UBAP2L: variants seen among roughly 807,000 people sequenced by gnomAD.
The protein encoded by UBAP2L is ubiquitin associated protein 2 like.
A neutral mutation model predicts 130.6 loss-of-function variants in UBAP2L; 12 were observed. That is an observed-to-expected ratio of 0.09 (90% CI 0.06 to 0.15). UBAP2L has a LOEUF of 0.15. UBAP2L is among the 10% of genes least tolerant of loss of function. The pLI is 1.00. For synonymous variants in UBAP2L, 503 were observed against 524.7 expected, an observed-to-expected ratio of 0.96 and a Z score of 0.57; for missense variants, 965 against 1,332.5, an observed-to-expected ratio of 0.72 and a Z score of 4.29.
chr1:154,254,101 A>G lies in UBAP2L; in HGVS notation c.1854+12A>G, dbSNP rs1417732242. ...TGACTCAGGCAAAGGTAGTGGCTTC[A>G]TGAACCCTTGGGAATTGGTTAGGAG... On this transcript the variant is annotated intron_variant, in intron 15 of 26. Transcript: ENST00000428931. The G allele has an allele frequency of 6.6e-7, 1 of 1,517,668 alleles. No homozygotes were observed. Among genetic ancestry groups the G allele is most frequent in the Non-Finnish European group, 8.8e-7 (1 of 1,137,420 alleles). 94.0% of individuals were successfully genotyped at this position (1,517,668 alleles called of 1,614,324 possible). A position where few individuals can be genotyped will look rare whatever the true frequency, so the allele number is the denominator to read the frequency against.
intron 21 of UBAP2L, among the ~76,000 whole-genome samples, chr1:154,259,281 G>A (rs116569373): frequency 0.029 from 4,440 of 151,738 alleles, 213 homozygotes; most frequent in African/African-American, 0.1. Context: ...AACCTCCGCC[G>A]CCTGGGTTAA....
intron 26 of UBAP2L, 145 bp from the exon 27 acceptor site, chr1:154,270,055 G>A: frequency 9.8e-7 from 1 of 1,022,804 alleles, no homozygotes; most frequent in Non-Finnish European, 1.4e-6. Context: ...TAGCAGCTAT[G>A]CAGACCAAAT....
chr1:154,220,457 C>A, upstream of UBAP2L: 2 of 1,610,208 alleles, frequency 1.2e-6, no homozygotes, highest in Non-Finnish European at 1.7e-6. Flanking sequence ...GCTGTCCTGG[C>A]TGGTCAGCCC....
chr1:154,220,487 G>C, upstream of UBAP2L: 3 of 1,540,486 alleles, frequency 1.9e-6, no homozygotes, highest in Non-Finnish European at 2.7e-6. Context: ...CGAAGCGACG[G>C]CGCCTGGGTC....
At chr1:154,241,071 CT>C (rs140728808) in intron 8 of UBAP2L, among the ~76,000 whole-genome samples, 7,805 of 150,752 alleles carry the variant, frequency 0.052, 706 homozygotes, top group African/African-American at 0.18. Context: ...CCAAGAATTT[CT>C]TTTTTTTTGT....
At chr1:154,263,932 TAA>T (rs1204300988) in intron 24 of UBAP2L, among the ~76,000 whole-genome samples, 1 of 152,220 alleles carries the variant, frequency 6.6e-6, no homozygotes, top group Non-Finnish European at 1.5e-5. Context: ...TAAGATCTGA[TAA>T]AGTCATTAGT....
intron 4 of UBAP2L, among the ~76,000 whole-genome samples, chr1:154,231,844 T>G (rs1237215678): frequency 6.6e-6 from 1 of 152,210 alleles, no homozygotes; most frequent in East Asian, 1.9e-4. Context: ...ACATAATACT[T>G]GATACCCTTA....
chr1:154,220,805 TGCGCGC>T (rs1665638955), upstream of UBAP2L: 1 of 177,500 alleles, frequency 5.6e-6, no homozygotes, highest in African/African-American at 2.5e-5. Flanking sequence ...CACGCTTGCG[TGCGCGC>T]CCCTTTTAGC....
chr1:154,249,229 T>C lies in UBAP2L; in HGVS notation c.1015-10T>C. 1 of 1,613,956 alleles carries C rather than the reference T, an allele frequency of 6.2e-7. No homozygotes were observed. The highest frequency in any genetic ancestry group is 1.3e-5 in the African/African-American group (1 of 75,022). On this transcript the variant is annotated splice_polypyrimidine_tract_variant and intron_variant, in intron 11 of 26. Coordinates refer to ENST00000428931, the MANE Select transcript of UBAP2L (RefSeq NM_014847.4). ...CTGTAGGTTTCTCTCATCTCTTTGT[T>C]GATCTACAGGTGAGCATGTTAGGGA...
intron 10 of UBAP2L, among the ~76,000 whole-genome samples, chr1:154,244,930 C>G (rs931581641): frequency 6.6e-6 from 1 of 151,846 alleles, no homozygotes. Flanking sequence ...TTCCAACACT[C>G]TTACCTGGTC....
Position 154,237,153 on chromosome 1 carries a change from C to G in UBAP2L, c.703+17C>G, listed in dbSNP as rs1671943844. ...ATGGGACGAGTGAGTGACCATTTAT[C>G]ATTCATTTCTTGTCTCTGGGAATCT... On this transcript the variant is annotated intron_variant, in intron 8 of 26. Transcript: ENST00000428931. The G allele has an allele frequency of 6.3e-7, 1 of 1,595,174 alleles. No individual in the cohort carries two copies. Among genetic ancestry groups the G allele is most frequent in the East Asian group, 2.2e-5 (1 of 44,786 alleles).
Position 154,266,518 on chromosome 1 carries a change from A to G in UBAP2L, c.2920A>G (p.Ser974Gly), listed in dbSNP as rs1558235236. The G allele has an allele frequency of 6.2e-7, 1 of 1,614,208 alleles. No homozygotes were observed. ...GYNTGVSVTS[S>G]NTGVPDISGS... ...TCCCCCAGGTGTTTCAGTCACCTCCAGTAACACGGGCGTGCCAGATATCTC... is the reference window on the plus strand; with the variant it reads ...TCCCCCAGGTGTTTCAGTCACCTCCGGTAACACGGGCGTGCCAGATATCTC... Residue 974 changes from serine (S) to glycine (G), a missense_variant, in exon 25 of 27, where the codon AGT (serine) becomes GGT (glycine). Ser to Gly is a moderately conservative substitution (Grantham distance 56, BLOSUM62 0). This residue lies in a region of UBAP2L where 194 missense variants were observed against 334.0 expected (regional missense o/e 0.58). Transcript: ENST00000428931.
chr1:154,225,148 C>T lies in UBAP2L; in HGVS notation c.25C>T (p.Arg9Ter). The T allele has an allele frequency of 6.2e-7, 1 of 1,613,940 alleles. No homozygotes were observed. Among genetic ancestry groups the T allele is most frequent in the Non-Finnish European group, 8.5e-7 (1 of 1,179,960 alleles). The change falls in exon 2 of 27, where the codon CGA (arginine) becomes TGA (stop). Residue 9 changes from arginine (R) to a stop codon, truncating the protein, a stop_gained. Transcript: ENST00000428931. LOFTEE classifies it high-confidence loss of function. Reference sequence around the variant, plus strand: ...AATGATGACATCGGTGGGCACTAACCGAGCCCGGGGAAACTGGGAACAACC... The same window carrying T: ...AATGATGACATCGGTGGGCACTAACTGAGCCCGGGGAAACTGGGAACAACC... MMTSVGTN[R>*]ARGNWEQPQN...
At chr1:154,252,354 C>G (rs1048669452) in intron 14 of UBAP2L, among the ~76,000 whole-genome samples, 1 of 145,192 alleles carries the variant, frequency 6.9e-6, no homozygotes, top group Admixed American at 6.9e-5. Flanking sequence ...GATCTCGGCT[C>G]ACTGTAACCT....
chr1:154,227,378 T>A lies in UBAP2L; in HGVS notation c.168+19T>A, dbSNP rs750977457. ...GAAACAAGTGAGTGTATCACTAATT[T>A]ACTGTACACTATGAGAAAAGATACC... On this transcript the variant is annotated intron_variant, in intron 3 of 26. Transcript: ENST00000428931. 1 of 1,593,286 alleles carries A rather than the reference T, an allele frequency of 6.3e-7. No homozygotes were observed. Among genetic ancestry groups the A allele is most frequent in the Non-Finnish European group, 8.6e-7 (1 of 1,161,730 alleles).
Position 154,250,066 on chromosome 1 carries a change from C to T in UBAP2L, c.1213+629C>T, listed in dbSNP as rs570489672. 1.4e-3 allele frequency among the ~76,000 whole-genome samples: 213 copies of T among 152,124 alleles called. 1 individual carries two copies. The highest frequency in any genetic ancestry group is 5.0e-3 in the African/African-American group (207 of 41,500). The stretch of plus-strand genomic sequence containing the variant: ...ACTTAATGTCATTGATAGGTTCTTG[C>T]GACTTTATGCGAAACATAAGACAAG... On this transcript the variant is annotated intron_variant, in intron 12 of 26. Coordinates refer to ENST00000428931, the MANE Select transcript of UBAP2L (RefSeq NM_014847.4).
chr1:154,255,097 C>T (rs1019344777), intron 16 of UBAP2L, 55 bp from the exon 17 acceptor site: 5 of 1,591,176 alleles, frequency 3.1e-6, no homozygotes, highest in Middle Eastern at 1.7e-4. Flanking sequence ...GGTCACCTCT[C>T]TATAGACATT....
intron 10 of UBAP2L, among the ~76,000 whole-genome samples, chr1:154,245,644 G>C (rs187577836): frequency 4.6e-5 from 7 of 152,228 alleles, no homozygotes; most frequent in Non-Finnish European, 8.8e-5. Flanking sequence ...GGTGCGGTGC[G>C]GTGGCTAACG....
chr1:154,238,686 CA>C (rs1386731079), intron 8 of UBAP2L, among the ~76,000 whole-genome samples: 1 of 152,068 alleles, frequency 6.6e-6, no homozygotes, highest in African/African-American at 2.4e-5. Context: ...CTTGTTAGTG[CA>C]AAAGTGTTGG....
Sources: allele counts gnomAD v4.1 joint callset (sites outside exome capture counted in the v4.1 genomes callset), GRCh38; gene constraint gnomAD v4.1.1; regional missense constraint gnomAD v4.1.1; transcripts MANE v1.5; gene names NCBI Gene and HGNC (gene_info 2026-07-23, HGNC 2026-07-21).